MTMR6: variants seen among roughly 807,000 people sequenced by gnomAD.
MTMR6 encodes the protein myotubularin related protein 6.
In MTMR6, 47 loss-of-function variants were observed where a neutral mutation model predicts 80.1. That is an observed-to-expected ratio of 0.59 (90% CI 0.46 to 0.75). MTMR6 has a LOEUF of 0.75. Ranked by LOEUF, MTMR6 falls within the 30% of genes least tolerant of loss-of-function variation. MTMR6 has a pLI of 0.00. For synonymous variants in MTMR6, 254 were observed against 253.0 expected (o/e 1.00, Z -0.04); for missense variants, 629 against 730.9 (o/e 0.86, Z 1.61).
intron 2 of MTMR6, among the ~76,000 whole-genome samples, chr13:25,268,145 C>G (rs1957497198): frequency 6.6e-6 from 1 of 152,160 alleles, no homozygotes; most frequent in Admixed American, 6.6e-5. Context: ...TCCACATACT[C>G]AAGACATTAT....
At chr13:25,268,353 A>G (rs779372777) in intron 2 of MTMR6, among the ~76,000 whole-genome samples, 27 of 152,340 alleles carry the variant, frequency 1.8e-4, no homozygotes, top group Non-Finnish European at 4.0e-4. Flanking sequence ...TGAACATTGA[A>G]AAGCAGATTA....
Position 25,248,957 on chromosome 13 carries a change from C to T in MTMR6, c.*275G>A, listed in dbSNP as rs569425714. 4 of 312,404 alleles carry T rather than the reference C, an allele frequency of 1.3e-5. No homozygotes were observed. The highest frequency in any genetic ancestry group is 4.3e-5 in the African/African-American group (2 of 46,900). The allele number at this position is 312,404 out of a possible 1,614,324, so 19.4% of individuals were successfully genotyped here. A position where few individuals can be genotyped will look rare whatever the true frequency, so the allele number is the denominator to read the frequency against. ...TGGCTGAATTAACATAAATCATAAA[C>T]GTCAATTCACTAGTGTACAGTGCAA... is the stretch of plus-strand genomic sequence containing the variant. On this transcript the variant is annotated 3_prime_UTR_variant, in exon 14 of 14. Coordinates refer to ENST00000381801, the MANE Select transcript of MTMR6 (RefSeq NM_004685.5).
At chr13:25,261,881 C>T (rs1000430710) in intron 5 of MTMR6, 79 bp from the exon 6 acceptor site, 7 of 1,365,004 alleles carry the variant, frequency 5.1e-6, no homozygotes, top group Non-Finnish European at 6.9e-6. Flanking sequence ...AAAAAAAAGC[C>T]AAAAGTGTTA....
chr13:25,260,527 C>T, intron 6 of MTMR6: 1 of 842,082 alleles, frequency 1.2e-6, no homozygotes, highest in Non-Finnish European at 1.6e-6. Context: ...AGTGACCATT[C>T]CTTTCACAAA....
At chr13:25,249,737 C>T (rs542372789) in intron 13 of MTMR6, among the ~76,000 whole-genome samples, 2 of 152,162 alleles carry the variant, frequency 1.3e-5, no homozygotes, top group East Asian at 1.9e-4. Flanking sequence ...GACTTGACTG[C>T]AGGCGATCAC....
chr13:25,278,459 G>A (rs1223961470), intron 1 of MTMR6, among the ~76,000 whole-genome samples: 1 of 152,042 alleles, frequency 6.6e-6, no homozygotes, highest in Non-Finnish European at 1.5e-5. Flanking sequence ...GCCGGGCGCA[G>A]CTTGCAATCC....
chr13:25,247,908 T>C lies in MTMR6; in HGVS notation c.*1324A>G, dbSNP rs926918347. The C allele has an allele frequency of 3.9e-5, 6 of 152,148 alleles. No homozygotes were observed. Among genetic ancestry groups the C allele is most frequent in the Non-Finnish European group, 8.8e-5 (6 of 67,972 alleles). 9.4% of individuals were successfully genotyped at this position (152,148 alleles called of 1,614,324 possible). On this transcript the variant is annotated 3_prime_UTR_variant, in exon 14 of 14. Coordinates refer to ENST00000381801, the MANE Select transcript of MTMR6 (RefSeq NM_004685.5). ...GCCACCATGTTATTTAAATTTTCAA[T>C]TTTAAAGCCAGTTGGGTGATATTGC...
chr13:25,275,183 T>C (rs934761970), intron 1 of MTMR6, among the ~76,000 whole-genome samples: 4 of 152,054 alleles, frequency 2.6e-5, no homozygotes, highest in African/African-American at 4.8e-5. Flanking sequence ...TCCCAGCACT[T>C]TGGGAGGCCA....
chr13:25,278,846 T>C (rs569047731), intron 1 of MTMR6, among the ~76,000 whole-genome samples: 24 of 152,002 alleles, frequency 1.6e-4, no homozygotes, highest in East Asian at 1.5e-3. Flanking sequence ...GGCTGAGTCA[T>C]TGCACTCCAG....
chr13:25,251,009 CT>C lies in MTMR6; in HGVS notation c.1605+639del, dbSNP rs5802321. Among the ~76,000 whole-genome samples, 140,787 of 151,294 alleles carry C rather than the reference CT, an allele frequency of 0.93. 66,286 individuals are homozygous for C. The highest frequency in any genetic ancestry group is 1 in the East Asian group (5,144 of 5,146). On this transcript the variant is annotated intron_variant, in intron 13 of 13. Coordinates refer to ENST00000381801, the MANE Select transcript of MTMR6 (RefSeq NM_004685.5). This position sits in a 1 kb window ranked among gnomAD's most constrained non-coding sequence, Gnocchi z 4.1. ...CTTCAAATAGATCTATGTTTTATTT[CT>C]TTTTTTTTTGTTTGTTTTTGTTTTG...
chr13:25,281,908 A>G (rs776784194), intron 1 of MTMR6, among the ~76,000 whole-genome samples: 8 of 152,170 alleles, frequency 5.3e-5, no homozygotes, highest in Non-Finnish European at 1.0e-4. Context: ...GTAACCTCAG[A>G]TCGTAAATCC....
chr13:25,284,911 A>C (rs1957925585), intron 1 of MTMR6, among the ~76,000 whole-genome samples: 1 of 152,210 alleles, frequency 6.6e-6, no homozygotes, highest in African/African-American at 2.4e-5. Flanking sequence ...GAAAATATTT[A>C]TTTGCGGTCT....
chr13:25,287,339 C>T lies in MTMR6; in HGVS notation c.-92G>A. 1 of 1,490,490 alleles carries T rather than the reference C, an allele frequency of 6.7e-7. No individual in the cohort carries two copies. Among genetic ancestry groups the T allele is most frequent in the Middle Eastern group, 1.7e-4 (1 of 5,910 alleles). 92.3% of individuals were successfully genotyped at this position (1,490,490 alleles called of 1,614,324 possible). A position where few individuals can be genotyped will look rare whatever the true frequency, so the allele number is the denominator to read the frequency against. The stretch of plus-strand genomic sequence containing the variant: ...GACAGCGACAGAGAGCAAGCGGGAA[C>T]TCCCTCCACCAGCCAGCGCCGCGGG... On this transcript the variant is annotated 5_prime_UTR_variant, in exon 1 of 14. Coordinates refer to ENST00000381801, the MANE Select transcript of MTMR6 (RefSeq NM_004685.5).
At chr13:25,255,385 ATTC>A (rs1566035450) in intron 9 of MTMR6, among the ~76,000 whole-genome samples, 1 of 152,236 alleles carries the variant, frequency 6.6e-6, no homozygotes, top group African/African-American at 2.4e-5. Context: ...CACTAAATGT[ATTC>A]TTTGGCTTAT....
chr13:25,251,689 T>C lies in MTMR6; in HGVS notation c.1565A>G (p.Gln522Arg), dbSNP rs376021333. The C allele has an allele frequency of 8.5e-5, 131 of 1,543,284 alleles. No homozygotes were observed. Among genetic ancestry groups the C allele is most frequent in the Non-Finnish European group, 1.1e-4 (125 of 1,123,208 alleles). ...AATATCTTTCTCTAATTGTTTATTT[T>C]GCTCATTCATATTCATAATTATATT... ...VFNIIMNMNE[Q>R]NKQLEKDIKD... is the part of the protein sequence containing the mutation. The change falls in exon 13 of 14, where the codon CAA becomes CGA. Residue 522 changes from glutamine to arginine, a missense_variant. By Grantham distance (43) the Gln-to-Arg change is conservative. Coordinates refer to ENST00000381801, the MANE Select transcript of MTMR6 (RefSeq NM_004685.5). This position sits in a 1 kb window ranked among gnomAD's most constrained non-coding sequence, Gnocchi z 4.1.
chr13:25,267,077 G>A (rs1472340500), intron 3 of MTMR6, among the ~76,000 whole-genome samples: 4 of 151,962 alleles, frequency 2.6e-5, no homozygotes, highest in Admixed American at 6.6e-5. Flanking sequence ...GTGAAACCCC[G>A]TCTCTTCTAA....
rs1177768356 is a variant in MTMR6 at position 25,266,230 on chromosome 13, G to A, written c.361C>T (p.Arg121Ter). The A allele has an allele frequency of 1.7e-5, 27 of 1,613,440 alleles. No individual in the cohort carries two copies. The highest frequency in any genetic ancestry group is 2.2e-5 in the Non-Finnish European group (26 of 1,179,522). Reference protein sequence around the residue: ...SYNPKQNDSERLQGWQLIDLA... With the variant: ...SYNPKQNDSE ...TCAATGAGCTGCCAGCCTTGTAGTC[G>A]TTCTGAATCATTTTGTTTGGGATTA... The change falls in exon 4 of 14, where the codon CGA (arginine) becomes TGA (stop). Residue 121 changes from arginine to a stop codon, truncating the protein, a stop_gained. Coordinates refer to ENST00000381801, the MANE Select transcript of MTMR6 (RefSeq NM_004685.5). LOFTEE classifies it high-confidence loss of function.
rs1299455788 is a variant in MTMR6, at chr13:25,258,704, A to G, written c.727-12T>C. 2.0e-6 allele frequency: 3 copies of G among 1,513,948 alleles called. No homozygotes were observed. Among genetic ancestry groups the G allele is most frequent in the Non-Finnish European group, 2.6e-6 (3 of 1,140,048 alleles). The allele number at this position is 1,513,948 out of a possible 1,614,324, so 93.8% of individuals were successfully genotyped here. ...GCCATTGCATTCAGCTAAAATTAAA[A>G]GTTTTAGAAATTTAGAGACAAATTA... On this transcript the variant is annotated splice_polypyrimidine_tract_variant and intron_variant, in intron 6 of 13. Transcript: ENST00000381801.
At position 25,261,684 on chromosome 13, in the gene MTMR6, A is replaced by C; in HGVS notation, c.710T>G (p.Met237Arg). ...AATACATACTTTTGGCCTGGTATCC[A>C]TGACGTACATATAGCGATTGACTGG... Reference protein sequence around the residue: ...ANPVNRYMYVMDTRPKLNAMA... With the variant: ...ANPVNRYMYVRDTRPKLNAMA... Residue 237 changes from methionine to arginine, a missense_variant, in exon 6 of 14, where the codon ATG becomes AGG. By Grantham distance (91) the Met-to-Arg change is moderately conservative (BLOSUM62 -1). Coordinates refer to ENST00000381801, the MANE Select transcript of MTMR6 (RefSeq NM_004685.5). 6.2e-7 allele frequency: 1 copy of C among 1,611,776 alleles called. No homozygotes were observed. The highest frequency in any genetic ancestry group is 1.1e-5 in the South Asian group (1 of 90,768).
Sources: gnomAD v4.1 joint callset for allele counts (sites outside exome capture counted in the v4.1 genomes callset) on GRCh38, gnomAD v4.1.1 for gene constraint, Gnocchi (gnomAD v3.1) non-coding constraint, MANE v1.5 for transcripts, NCBI Gene and HGNC (gene_info 2026-07-23, HGNC 2026-07-21) for gene names.